Variants in SERGEF observed in about 807,000 individuals in gnomAD.
SERGEF encodes the protein secretion-regulating guanine nucleotide exchange factor.
Under a neutral mutation model 50.0 loss-of-function variants are expected in SERGEF, and 51 were observed. The ratio of observed to expected loss-of-function variants is 1.02; its 90% CI spans 0.81 to 1.29. The LOEUF is 1.29. Among genes scored for constraint, SERGEF ranks in the 50% most tolerant of loss-of-function variants. SERGEF has a pLI of 0.00. For missense variants in SERGEF, 521 were observed against 557.0 expected (o/e 0.94, Z 0.65); for synonymous variants, 205 against 212.4 (o/e 0.97, Z 0.30).
At chr11:17,890,595 A>AT (rs533643890) in intron 9 of SERGEF, among the ~76,000 whole-genome samples, 1 of 152,022 alleles carries the variant, frequency 6.6e-6, no homozygotes, top group African/African-American at 2.4e-5. Flanking sequence ...GGACTGATTG[A>AT]TTTTTTGTAG....
chr11:18,005,134 T>A (rs927491405), intron 3 of SERGEF, among the ~76,000 whole-genome samples: 2 of 152,250 alleles, frequency 1.3e-5, no homozygotes, highest in Non-Finnish European at 2.9e-5. Context: ...GCCAATAGTT[T>A]TTAATCTCCA....
At chr11:18,004,781 T>C (rs973771411) in intron 3 of SERGEF, among the ~76,000 whole-genome samples, 1 of 152,240 alleles carries the variant, frequency 6.6e-6, no homozygotes, top group African/African-American at 2.4e-5. Context: ...CTTAACTCAG[T>C]GCCTCGTATT....
chr11:17,976,253 A>G (rs1853370036), intron 8 of SERGEF, among the ~76,000 whole-genome samples: 2 of 151,984 alleles, frequency 1.3e-5, no homozygotes, highest in South Asian at 4.2e-4. Context: ...CTTGGCTCAC[A>G]TTGAGAGCAC....
intron 8 of SERGEF, 149 bp downstream of exon 8, chr11:17,988,448 G>T: frequency 1.4e-6 from 1 of 694,774 alleles, no homozygotes; most frequent in Non-Finnish European, 2.2e-6. Context: ...CCACATATCT[G>T]GCTGGTGGCA....
intron 10 of SERGEF, among the ~76,000 whole-genome samples, chr11:17,868,733 G>A (rs145117274): frequency 0.11 from 16,874 of 152,196 alleles, 1,243 homozygotes; most frequent in Middle Eastern, 0.24. Flanking sequence ...TGGCAGGGGA[G>A]GCCTCACAAT....
chr11:17,957,728 C>T (rs2133969574), intron 9 of SERGEF, among the ~76,000 whole-genome samples: 1 of 144,446 alleles, frequency 6.9e-6, no homozygotes, highest in Non-Finnish European at 1.5e-5. Context: ...CAGAGATTCA[C>T]TAGTGGTGGG....
At chr11:17,801,028 T>C (rs1042173941) in intron 10 of SERGEF, among the ~76,000 whole-genome samples, 7 of 151,962 alleles carry the variant, frequency 4.6e-5, no homozygotes, top group Admixed American at 2.0e-4. Context: ...AGCCTGTCTC[T>C]ACTAAAAATA....
At chr11:17,961,879 T>C (rs1484842890) in intron 8 of SERGEF, among the ~76,000 whole-genome samples, 1 of 152,180 alleles carries the variant, frequency 6.6e-6, no homozygotes, top group Non-Finnish European at 1.5e-5. Flanking sequence ...GACCCTTTTA[T>C]TTTTCCTTTT....
At chr11:17,940,286 A>C (rs1043385686) in intron 9 of SERGEF, among the ~76,000 whole-genome samples, 1 of 152,154 alleles carries the variant, frequency 6.6e-6, no homozygotes, top group African/African-American at 2.4e-5. Flanking sequence ...GGATGCTAAC[A>C]AGGCCATCTG....
intron 10 of SERGEF, among the ~76,000 whole-genome samples, chr11:17,837,410 A>G (rs978541077): frequency 4.6e-5 from 7 of 151,828 alleles, no homozygotes; most frequent in Non-Finnish European, 1.0e-4. Flanking sequence ...CCTAACGAAT[A>G]GTTGGATGCC....
chr11:17,942,050 A>G (rs1046005695), intron 9 of SERGEF, among the ~76,000 whole-genome samples: 1 of 152,150 alleles, frequency 6.6e-6, no homozygotes, highest in Non-Finnish European at 1.5e-5. Flanking sequence ...TGGATCTTGC[A>G]ACTTCATTCT....
chr11:17,794,973 C>A (rs1179156139), intron 10 of SERGEF, among the ~76,000 whole-genome samples: 3 of 152,208 alleles, frequency 2.0e-5, no homozygotes, highest in African/African-American at 7.2e-5. Flanking sequence ...GCCCTGCCCC[C>A]TTCTGCATCT....
At chr11:17,861,289 A>G (rs1259803112) in intron 10 of SERGEF, among the ~76,000 whole-genome samples, 2 of 152,244 alleles carry the variant, frequency 1.3e-5, no homozygotes, top group African/African-American at 4.8e-5. Flanking sequence ...ATTCGCTCCA[A>G]TGATACACAC....
At chr11:17,939,693 C>A (rs997456742) in intron 9 of SERGEF, 1 of 152,312 alleles carries the variant, frequency 6.6e-6, no homozygotes, top group Non-Finnish European at 1.5e-5. Flanking sequence ...AAGGGAGAGC[C>A]AATGAGCCAG....
At chr11:17,860,047 G>C (rs1201069826) in intron 10 of SERGEF, among the ~76,000 whole-genome samples, 3 of 152,204 alleles carry the variant, frequency 2.0e-5, no homozygotes, top group Non-Finnish European at 4.4e-5. Context: ...TGCAGGCCTA[G>C]AGTAACCATT....
At chr11:17,790,281 A>G (rs1406575966) in intron 10 of SERGEF, among the ~76,000 whole-genome samples, 1 of 152,140 alleles carries the variant, frequency 6.6e-6, no homozygotes, top group Non-Finnish European at 1.5e-5. Context: ...GTGTCCTTAA[A>G]TATTGTGATC....
At chr11:18,012,865 C>G in intron 1 of SERGEF, 86 bp downstream of exon 1, 2 of 1,526,650 alleles carry the variant, frequency 1.3e-6, no homozygotes, top group Non-Finnish European at 8.8e-7. Context: ...GCCGCCCAGC[C>G]CCTGAACTGC....
intron 10 of SERGEF, among the ~76,000 whole-genome samples, chr11:17,809,273 G>A (rs1849824390): frequency 6.6e-6 from 1 of 152,152 alleles, no homozygotes; most frequent in Admixed American, 6.5e-5. Context: ...AGAAGACGTG[G>A]TGCAAAACAT....
intron 2 of SERGEF, 142 bp from the exon 3 acceptor site, chr11:18,006,888 T>C (rs1298948014): frequency 1.1e-6 from 1 of 927,630 alleles, no homozygotes; most frequent in Non-Finnish European, 1.7e-6. Flanking sequence ...TGTATGTTCA[T>C]GTATTCTGGA....
Sources: gnomAD v4.1 joint callset for allele counts (sites outside exome capture counted in the v4.1 genomes callset) on GRCh38, gnomAD v4.1.1 for gene constraint, MANE v1.5 for transcripts, NCBI Gene and HGNC (gene_info 2026-07-23, HGNC 2026-07-21) for gene names.